The following ATP13A5 variants were observed in gnomAD, a reference collection of about 807,000 sequenced individuals.
ATP13A5 encodes the protein ATPase 13A5, also known as probable cation-transporting ATPase 13A5.
Under a neutral mutation model 150.2 loss-of-function variants are expected in ATP13A5, and 149 were observed. That is an observed-to-expected ratio of 0.99 (90% confidence interval 0.87 to 1.14). The LOEUF (loss-of-function observed/expected upper bound fraction) is 1.14, where lower values mean the gene tolerates loss of function less well. Ranked by LOEUF, ATP13A5 falls within the 50% of genes most tolerant of loss-of-function variation. The pLI is 0.00. For synonymous variants in ATP13A5, 497 were observed against 522.2 expected (o/e 0.95, Z 0.66); for missense variants, 1,383 against 1,449.3 (o/e 0.95, Z 0.74).
At chr3:193,348,816 C>T (rs970883335) in intron 7 of ATP13A5, among the ~76,000 whole-genome samples, 1 of 152,154 alleles carries the variant, frequency 6.6e-6, no homozygotes, top group Non-Finnish European at 1.5e-5. Flanking sequence ...CCAAATCTTA[C>T]TGCTGCAAGG....
At position 193,314,972 on chromosome 3, in the gene ATP13A5, C is replaced by T; in HGVS notation, c.2158G>A (p.Gly720Ser). The T allele has an allele frequency of 1.2e-6, 2 of 1,612,344 alleles. No homozygotes were observed. The highest frequency in any genetic ancestry group is 1.7e-6 in the Non-Finnish European group (2 of 1,178,928). ...EARIRTVMIT[G>S]DNLQTAITVA... ...CAGGCCCCTAGAAACAAATACATAC[C>T]TGTAATCATCACAGTCCTGATACGG... The change falls in exon 18 of 30, where the codon GGT becomes AGT. Residue 720 changes from glycine to serine, a missense_variant and splice_region_variant. Transcript: ENST00000342358.
At position 193,277,937 on chromosome 3, in the gene ATP13A5, G is replaced by A. The variant is rs999286667; in HGVS notation, c.3316-1107C>T. 3.9e-5 allele frequency among the ~76,000 whole-genome samples: 6 copies of A among 152,298 alleles called. No individual in the cohort carries two copies. The South Asian group carries it at 1.0e-3, about 26-fold the overall frequency. On this transcript the variant is annotated intron_variant, in intron 28 of 29. Coordinates refer to ENST00000342358, the MANE Select transcript of ATP13A5 (RefSeq NM_198505.4). Reference sequence around the variant, plus strand: ...TCCTGCCTCAGCCTCCCAAGTAGCTGGGAATACAGGCACCTGCCACGACAC... The same window carrying A: ...TCCTGCCTCAGCCTCCCAAGTAGCTAGGAATACAGGCACCTGCCACGACAC...
At chr3:193,307,206 AC>A (rs2108846646) in intron 22 of ATP13A5, 120 bp downstream of exon 22, 1 of 1,562,134 alleles carries the variant, frequency 6.4e-7, no homozygotes, top group East Asian at 2.3e-5. Context: ...GTGGATATAA[AC>A]AGCAAAATAA....
At chr3:193,304,728 C>A (rs1032977611) in intron 23 of ATP13A5, among the ~76,000 whole-genome samples, 1 of 152,078 alleles carries the variant, frequency 6.6e-6, no homozygotes, top group African/African-American at 2.4e-5. Context: ...AAATAAACGT[C>A]TGTTAATGGC....
chr3:193,281,664 T>G (rs1280419966), intron 27 of ATP13A5, among the ~76,000 whole-genome samples: 1 of 152,212 alleles, frequency 6.6e-6, no homozygotes, highest in Non-Finnish European at 1.5e-5. Flanking sequence ...ATAAAGTTGC[T>G]TGTATATTTT....
At chr3:193,352,665 G>A (rs1712609813) in intron 6 of ATP13A5, among the ~76,000 whole-genome samples, 1 of 152,020 alleles carries the variant, frequency 6.6e-6, no homozygotes, top group Non-Finnish European at 1.5e-5. Context: ...CATATGTGGA[G>A]GCAGGACGTA....
At chr3:193,357,171 G>C (rs1055567198) in intron 5 of ATP13A5, among the ~76,000 whole-genome samples, 4 of 152,182 alleles carry the variant, frequency 2.6e-5, no homozygotes, top group African/African-American at 9.7e-5. Flanking sequence ...CGCAGTGTCT[G>C]ACCTAGAGGA....
At chr3:193,292,156 A>AGGG (rs919134302) in intron 25 of ATP13A5, among the ~76,000 whole-genome samples, 2 of 152,072 alleles carry the variant, frequency 1.3e-5, no homozygotes, top group African/African-American at 4.8e-5. Context: ...TCCACGAAGA[A>AGGG]GGGGTACACA....
chr3:193,340,072 A>G (rs1712058283), intron 9 of ATP13A5, among the ~76,000 whole-genome samples: 1 of 152,170 alleles, frequency 6.6e-6, no homozygotes, highest in Non-Finnish European at 1.5e-5. Context: ...TTCATCTACA[A>G]AAGATGTGGG....
chr3:193,359,418 T>C (rs912895491), intron 5 of ATP13A5, among the ~76,000 whole-genome samples: 2 of 152,172 alleles, frequency 1.3e-5, no homozygotes, highest in African/African-American at 4.8e-5. Flanking sequence ...TTTTGCTTCT[T>C]CTTTCTCTCT....
intron 25 of ATP13A5, 150 bp downstream of exon 25, chr3:193,298,981 C>T (rs1373513884): frequency 5.0e-6 from 3 of 602,784 alleles, no homozygotes; most frequent in Admixed American, 7.1e-5. Context: ...CAACTCTCAA[C>T]TTACTCCCAA....
intron 21 of ATP13A5, among the ~76,000 whole-genome samples, chr3:193,309,632 T>G (rs1407977305): frequency 6.6e-6 from 1 of 152,232 alleles, no homozygotes; most frequent in Non-Finnish European, 1.5e-5. Context: ...TTGTGTGCTC[T>G]GTCTCTGGTT....
chr3:193,351,032 G>A (rs753377536), intron 7 of ATP13A5, 35 bp downstream of exon 7: 2 of 1,609,152 alleles, frequency 1.2e-6, no homozygotes, highest in South Asian at 1.1e-5. Context: ...TTAGCTAGAA[G>A]CTAAATAGAA....
chr3:193,291,904 T>G (rs557203216), intron 25 of ATP13A5, among the ~76,000 whole-genome samples: 2 of 152,072 alleles, frequency 1.3e-5, no homozygotes, highest in East Asian at 1.9e-4. Context: ...TTTGCTATAA[T>G]AAAACTGCAA....
chr3:193,339,693 C>T (rs924286166), intron 9 of ATP13A5, among the ~76,000 whole-genome samples: 4 of 151,590 alleles, frequency 2.6e-5, no homozygotes, highest in Admixed American at 1.3e-4. Context: ...TCTATGGCTT[C>T]GTAGAAGGGT....
In ATP13A5 at chr3:193,274,899, G is replaced by T; in HGVS notation, c.*143C>A. 1 of 1,229,640 alleles carries T rather than the reference G, an allele frequency of 8.1e-7. No individual in the cohort carries two copies. Among genetic ancestry groups the T allele is most frequent in the Non-Finnish European group, 1.1e-6 (1 of 876,776 alleles). 76.2% of individuals were successfully genotyped at this position (1,229,640 alleles called of 1,614,324 possible). On this transcript the variant is annotated 3_prime_UTR_variant, in exon 30 of 30. Transcript: ENST00000342358. ...ATAAGCCTATCTAAGGTCCCTTGCT[G>T]CAAGGTTTAATTCATTGAAAATATA...
At chr3:193,311,084 G>A (rs759201504) in intron 20 of ATP13A5, among the ~76,000 whole-genome samples, 5 of 152,146 alleles carry the variant, frequency 3.3e-5, no homozygotes, top group Non-Finnish European at 7.3e-5. Flanking sequence ...CAGAGGAAAG[G>A]CTGGAAGCTG....
At chr3:193,337,015 T>A (rs1711897224) in intron 9 of ATP13A5, among the ~76,000 whole-genome samples, 2 of 150,952 alleles carry the variant, frequency 1.3e-5, no homozygotes, top group African/African-American at 2.4e-5. Flanking sequence ...TCATGTGTCT[T>A]TTGGCTGCAT....
intron 25 of ATP13A5, among the ~76,000 whole-genome samples, chr3:193,296,824 G>T (rs1718190061): frequency 6.6e-6 from 1 of 151,934 alleles, no homozygotes. Flanking sequence ...CATGAGCATG[G>T]AGTGTTTTTC....
Sources: allele counts gnomAD v4.1 joint callset (sites outside exome capture counted in the v4.1 genomes callset), GRCh38; gene constraint gnomAD v4.1.1; transcripts MANE v1.5; gene names NCBI Gene and HGNC (gene_info 2026-07-23, HGNC 2026-07-21).